The following PGAM1 variants were observed in gnomAD, a reference collection of about 807,000 sequenced individuals.
PGAM1 encodes the protein BPG-dependent PGAM 1.
Under a neutral mutation model 23.5 loss-of-function variants are expected in PGAM1, and 21 were observed. The observed-to-expected ratio is 0.89, with a 90% CI of 0.63 to 1.29. The LOEUF is 1.29. Ranked by LOEUF, PGAM1 falls within the 50% of genes most tolerant of loss-of-function variation. The pLI is 0.00. For synonymous variants in PGAM1, 109 were observed against 128.6 expected, an observed-to-expected ratio of 0.85 and a Z score of 1.03; for missense variants, 232 against 336.3, an observed-to-expected ratio of 0.69 and a Z score of 2.42.
rs1845481794 is a variant in PGAM1, at chr10:97,432,479, C to T, written c.720C>T (p.Arg240=). ...TTCTGGGGGATGAAGAGACGGTGCG[C>T]AAAGCCATGGAAGCTGTGGCTGCCC... The part of the protein sequence containing the change: ...MQFLGDEETV[R]KAMEAVAAQG... Residue 240 remains arginine (R), a synonymous_variant, in exon 4 of 4, where the codon CGC becomes CGT. Transcript: ENST00000334828. 4 of 1,609,344 alleles carry T rather than the reference C, an allele frequency of 2.5e-6. No individual in the cohort carries two copies. In the East Asian group the frequency reaches 8.9e-5, roughly 36 times the overall value.
intron 1 of PGAM1, chr10:97,427,853 G>A: frequency 7.8e-7 from 1 of 1,289,372 alleles, no homozygotes; most frequent in Middle Eastern, 2.1e-4. Context: ...CAGGTATTTG[G>A]CCTCAGATTG....
intron 3 of PGAM1, 63 bp from the exon 4 acceptor site, chr10:97,432,292 G>A: frequency 2.5e-6 from 4 of 1,606,576 alleles, no homozygotes; most frequent in Non-Finnish European, 3.4e-6. Context: ...GGAGGACAAA[G>A]TAAACCTGGA....
chr10:97,427,776 T>G, intron 1 of PGAM1: 1 of 1,288,666 alleles, frequency 7.8e-7, no homozygotes, highest in Non-Finnish European at 1.0e-6. Context: ...TAGGGGCAGA[T>G]CCTCCTTTGC....
At chr10:97,428,668 G>C (rs1845437354) in intron 1 of PGAM1, among the ~76,000 whole-genome samples, 1 of 152,164 alleles carries the variant, frequency 6.6e-6, no homozygotes, top group African/African-American at 2.4e-5. Flanking sequence ...ATTCACTTCC[G>C]GGTGTCTCAG....
intron 3 of PGAM1, 76 bp from the exon 4 acceptor site, chr10:97,432,279 C>A: frequency 1.3e-6 from 2 of 1,586,746 alleles, no homozygotes; most frequent in South Asian, 2.2e-5. Flanking sequence ...TCCTTTATCA[C>A]CTGGAGGACA....
intron 1 of PGAM1, among the ~76,000 whole-genome samples, chr10:97,428,700 C>G (rs551889934): frequency 6.6e-6 from 1 of 152,168 alleles, no homozygotes; most frequent in Non-Finnish European, 1.5e-5. Context: ...GGAGCCATTC[C>G]TTTCCTTACA....
chr10:97,432,243 G>A (rs1845478235), intron 3 of PGAM1, 112 bp from the exon 4 acceptor site: 1 of 1,382,620 alleles, frequency 7.2e-7, no homozygotes, highest in Non-Finnish European at 1.0e-6. Flanking sequence ...ATCAGAAAGG[G>A]TGTCTTATTT....
chr10:97,429,312 GC>G (rs2133131312), intron 1 of PGAM1, among the ~76,000 whole-genome samples: 1 of 151,922 alleles, frequency 6.6e-6, no homozygotes, highest in East Asian at 1.9e-4. Context: ...CACCATGTTA[GC>G]CACGATGGTC....
At chr10:97,429,914 C>A (rs976949920) in intron 1 of PGAM1, among the ~76,000 whole-genome samples, 1 of 151,932 alleles carries the variant, frequency 6.6e-6, no homozygotes, top group African/African-American at 2.4e-5. Flanking sequence ...GATATGGTGG[C>A]GTGCGCCTGT....
Position 97,430,484 on chromosome 10 carries a change from T to G in PGAM1, c.245T>G (p.Val82Gly), listed in dbSNP as rs1589456542. The change falls in exon 2 of 4, where the codon GTG (valine) becomes GGG (glycine). Residue 82 changes from valine to glycine, a missense_variant. Transcript: ENST00000334828. ...DAIDQMWLPV[V>G]RTWRLNERHY... Reference sequence around the variant, plus strand: ...ATTGATCAGATGTGGCTGCCAGTGGTGAGGACTTGGCGCCTCAATGAGCGG... The same window carrying G: ...ATTGATCAGATGTGGCTGCCAGTGGGGAGGACTTGGCGCCTCAATGAGCGG... The G allele has an allele frequency of 6.2e-7, 1 of 1,603,456 alleles. No individual in the cohort carries two copies. The highest frequency in any genetic ancestry group is 8.5e-7 in the Non-Finnish European group (1 of 1,179,608).
chr10:97,431,903 A>AG (rs1491274321), intron 3 of PGAM1, among the ~76,000 whole-genome samples: 1 of 149,322 alleles, frequency 6.7e-6, no homozygotes, highest in Non-Finnish European at 1.5e-5. Context: ...AAAAAAAAAA[A>AG]GGAAAACAAA....
In PGAM1 at chr10:97,431,051, A is replaced by G. The variant is rs140183838; in HGVS notation, c.511A>G (p.Ile171Val). The G allele has an allele frequency of 1.6e-4, 258 of 1,614,028 alleles. No individual in the cohort carries two copies. The highest frequency in any genetic ancestry group is 2.1e-4 in the Non-Finnish European group (253 of 1,180,016). ...ARALPFWNEE[I>V]VPQIKEGKRV... ...AGCTCTGCCCTTCTGGAATGAAGAA[A>G]TAGTTCCCCAGATCAAGGAGGGGAA... The change falls in exon 3 of 4, where the codon ATA becomes GTA. Residue 171 changes from isoleucine to valine, a missense_variant. Coordinates refer to ENST00000334828, the MANE Select transcript of PGAM1 (RefSeq NM_002629.4).
At chr10:97,429,915 G>A (rs556722813) in intron 1 of PGAM1, among the ~76,000 whole-genome samples, 1 of 152,094 alleles carries the variant, frequency 6.6e-6, no homozygotes. Context: ...ATATGGTGGC[G>A]TGCGCCTGTA....
intron 2 of PGAM1, 120 bp downstream of exon 2, chr10:97,430,773 C>T: frequency 6.7e-7 from 1 of 1,496,622 alleles, no homozygotes; most frequent in Non-Finnish European, 9.2e-7. Context: ...CTTCCTTCTC[C>T]AGTGAATGAC....
Position 97,432,450 on chromosome 10 carries a change from C to T in PGAM1, c.691C>T (p.Gln231Ter), listed in dbSNP as rs1845480921. The change falls in exon 4 of 4, where the codon CAG becomes TAG. Residue 231 changes from glutamine (Q) to a stop codon, truncating the protein, a stop_gained. Coordinates refer to ENST00000334828, the MANE Select transcript of PGAM1 (RefSeq NM_002629.4). LOFTEE classifies it high-confidence loss of function. ...GAACTTGAAGCCTATCAAGCCCATG[C>T]AGTTTCTGGGGGATGAAGAGACGGT... Reference protein sequence around the residue: ...DKNLKPIKPMQFLGDEETVRK... With the variant: ...DKNLKPIKPM 1 of 1,610,564 alleles carries T rather than the reference C, an allele frequency of 6.2e-7. No homozygotes were observed. The highest frequency in any genetic ancestry group is 2.2e-5 in the East Asian group (1 of 44,830).
rs1239992884 is a variant in PGAM1, at chr10:97,426,512, C to T, written c.139+66C>T. The T allele has an allele frequency of 2.0e-6, 3 of 1,487,372 alleles. No homozygotes were observed. The East Asian group carries it at 7.5e-5, about 37-fold the overall frequency. The allele number at this position is 1,487,372 out of a possible 1,614,324, so 92.1% of individuals were successfully genotyped here. ...CCGGCCTCGGAGGCCGCCTGGCTGG[C>T]GTCTGCGCCCTCTCGGAGAGGGCCG... On this transcript the variant is annotated intron_variant, in intron 1 of 3. Coordinates refer to ENST00000334828, the MANE Select transcript of PGAM1 (RefSeq NM_002629.4).
chr10:97,430,659 GACAA>G lies in PGAM1; in HGVS notation c.414+10_414+13del, dbSNP rs748266376. On this transcript the variant is annotated splice_region_variant and intron_variant, in intron 2 of 3. Transcript: ENST00000334828. Reference sequence around the variant, plus strand: ...TCTACAGCAACATCAGTAAGGTATGGACAAACAGAGGTTTGGTCACTCCGCCCAG... The same window carrying G: ...TCTACAGCAACATCAGTAAGGTATGGACAGAGGTTTGGTCACTCCGCCCAG... The G allele has an allele frequency of 2.5e-6, 4 of 1,602,968 alleles. No homozygotes were observed. Among genetic ancestry groups the G allele is most frequent in the Non-Finnish European group, 3.4e-6 (4 of 1,179,976 alleles).
chr10:97,427,935 G>A, intron 1 of PGAM1: 1 of 978,244 alleles, frequency 1.0e-6, no homozygotes, highest in Non-Finnish European at 1.4e-6. Flanking sequence ...TCTGGTAAAT[G>A]TAAACCTCTG....
intron 1 of PGAM1, among the ~76,000 whole-genome samples, chr10:97,429,092 CTTTTTTTTTTTTTTTT>C (rs888329236): frequency 1.2e-5 from 1 of 84,752 alleles, no homozygotes; most frequent in Non-Finnish European, 2.1e-5. Context: ...AGACTGATTC[CTTTTTTTTTTTTTTTT>C]TTTTTTTTTG....
Sources: allele counts gnomAD v4.1 joint callset (sites outside exome capture counted in the v4.1 genomes callset), GRCh38; gene constraint gnomAD v4.1.1; transcripts MANE v1.5; gene names NCBI Gene and HGNC (gene_info 2026-07-23, HGNC 2026-07-21).